The following ADGRB3 variants were observed in gnomAD, a reference collection of about 807,000 sequenced individuals.
The protein encoded by ADGRB3 is brain-specific angiogenesis inhibitor 3.
Under a neutral mutation model 193.4 loss-of-function variants are expected in ADGRB3, and 37 were observed. The ratio of observed to expected loss-of-function variants is 0.19; its 90% CI spans 0.15 to 0.25. ADGRB3 has a LOEUF of 0.25. Ranked by LOEUF, ADGRB3 falls within the 10% of genes least tolerant of loss-of-function variation. ADGRB3 has a pLI of 1.00. For missense variants in ADGRB3, 1,637 were observed against 1,852.9 expected, an observed-to-expected ratio of 0.88 and a Z score of 2.14; for synonymous variants, 690 against 644.2, an observed-to-expected ratio of 1.07 and a Z score of -1.08.
intron 3 of ADGRB3, among the ~76,000 whole-genome samples, chr6:68,773,951 G>A (rs1255020543): frequency 6.6e-6 from 1 of 152,078 alleles, no homozygotes; most frequent in African/African-American, 2.4e-5. Flanking sequence ...TGCATAATGG[G>A]CAAGGTGGGG....
At chr6:69,053,759 A>G (rs1479783319) in intron 15 of ADGRB3, among the ~76,000 whole-genome samples, 1 of 152,214 alleles carries the variant, frequency 6.6e-6, no homozygotes, top group Non-Finnish European at 1.5e-5. Flanking sequence ...TTACTTTTAT[A>G]GCATTTTTGG....
chr6:68,815,623 G>A (rs113060648), intron 3 of ADGRB3, among the ~76,000 whole-genome samples: 4 of 146,580 alleles, frequency 2.7e-5, no homozygotes, highest in African/African-American at 7.3e-5. Flanking sequence ...GTGTGTGTGT[G>A]TGTGTGTGTG....
chr6:68,676,175 G>T (rs146595462), intron 3 of ADGRB3, among the ~76,000 whole-genome samples: 82 of 152,008 alleles, frequency 5.4e-4, no homozygotes, highest in African/African-American at 1.8e-3. Context: ...GGCGGATCAC[G>T]AGGTCAGGAG....
At chr6:69,068,310 A>G (rs1267029778) in intron 16 of ADGRB3, among the ~76,000 whole-genome samples, 1 of 152,208 alleles carries the variant, frequency 6.6e-6, no homozygotes, top group East Asian at 1.9e-4. Context: ...TAGTATTAGG[A>G]CATATCATTA....
chr6:68,966,260 A>G (rs1768378313), intron 8 of ADGRB3, among the ~76,000 whole-genome samples: 1 of 152,026 alleles, frequency 6.6e-6, no homozygotes, highest in African/African-American at 2.4e-5. Flanking sequence ...CCCTAATTAC[A>G]TCATTTAGAT....
At chr6:68,708,222 T>G (rs567144380) in intron 3 of ADGRB3, among the ~76,000 whole-genome samples, 1 of 152,112 alleles carries the variant, frequency 6.6e-6, no homozygotes, top group African/African-American at 2.4e-5. Flanking sequence ...AATAATAAAA[T>G]TATATTGTAG....
intron 3 of ADGRB3, among the ~76,000 whole-genome samples, chr6:68,781,671 A>G (rs1766854904): frequency 6.6e-6 from 1 of 152,088 alleles, no homozygotes; most frequent in Admixed American, 6.6e-5. Flanking sequence ...ATAGCTCAAA[A>G]AAACAGGCAG....
chr6:69,251,865 A>G (rs1582579011), intron 20 of ADGRB3, among the ~76,000 whole-genome samples: 1 of 152,290 alleles, frequency 6.6e-6, no homozygotes, highest in East Asian at 1.9e-4. Context: ...TGTACATTAG[A>G]TCTCAAGAAC....
chr6:69,018,911 C>T (rs549313642), intron 13 of ADGRB3, among the ~76,000 whole-genome samples: 4 of 151,936 alleles, frequency 2.6e-5, no homozygotes, highest in African/African-American at 7.2e-5. Context: ...TTGAGGATGC[C>T]GAGTTACTTT....
At chr6:68,727,727 G>T (rs1488907401) in intron 3 of ADGRB3, among the ~76,000 whole-genome samples, 1 of 151,360 alleles carries the variant, frequency 6.6e-6, no homozygotes, top group East Asian at 2.0e-4. Flanking sequence ...GAAATTTGGG[G>T]CTTTATATTC....
At chr6:68,856,221 GA>G (rs1456986500) in intron 3 of ADGRB3, among the ~76,000 whole-genome samples, 1 of 152,156 alleles carries the variant, frequency 6.6e-6, no homozygotes, top group Non-Finnish European at 1.5e-5. Flanking sequence ...TCAGCAGTGT[GA>G]AAACGGACTA....
chr6:69,004,882 C>A (rs1468164973), intron 11 of ADGRB3, among the ~76,000 whole-genome samples: 1 of 152,082 alleles, frequency 6.6e-6, no homozygotes, highest in African/African-American at 2.4e-5. Context: ...TTGAAGGGGT[C>A]TGTGTCAGTC....
intron 29 of ADGRB3, among the ~76,000 whole-genome samples, chr6:69,371,520 T>G (rs571866717): frequency 8.9e-4 from 135 of 152,242 alleles, no homozygotes; most frequent in African/African-American, 3.2e-3. Context: ...TTTAATTGTT[T>G]GTTAATTCTC....
intron 3 of ADGRB3, among the ~76,000 whole-genome samples, chr6:68,808,295 T>C (rs1377085004): frequency 6.6e-6 from 1 of 152,166 alleles, no homozygotes; most frequent in Non-Finnish European, 1.5e-5. Context: ...TCCACCACCT[T>C]ATCAGCTGAA....
intron 20 of ADGRB3, among the ~76,000 whole-genome samples, chr6:69,267,834 C>G (rs888417368): frequency 6.6e-6 from 1 of 152,040 alleles, no homozygotes; most frequent in African/African-American, 2.4e-5. Context: ...AGTTTTTTCC[C>G]GACATCTTGG....
intron 3 of ADGRB3, among the ~76,000 whole-genome samples, chr6:68,919,075 A>T (rs891208934): frequency 6.6e-6 from 1 of 151,968 alleles, no homozygotes; most frequent in Non-Finnish European, 1.5e-5. Flanking sequence ...TCTATTGTCC[A>T]CAGTGAGCCT....
At chr6:69,134,031 T>G (rs567750835) in intron 17 of ADGRB3, among the ~76,000 whole-genome samples, 2 of 152,268 alleles carry the variant, frequency 1.3e-5, no homozygotes, top group Admixed American at 1.3e-4. Context: ...GCTTTTTATG[T>G]CCGAGTAGTA....
rs567026453 is a variant in ADGRB3 at position 68,942,990 on chromosome 6, T to C, written c.1031-840T>C. ...GGTTATTCTGAAAGAACACAAATTA[T>C]GTTATTTAAGATCAATTGTGAATTC... is the stretch of plus-strand genomic sequence containing the variant. On this transcript the variant is annotated intron_variant, in intron 5 of 31. Coordinates refer to ENST00000370598, the MANE Select transcript of ADGRB3 (RefSeq NM_001704.3). Among the ~76,000 whole-genome samples, 6 of 152,322 alleles carry C rather than the reference T, an allele frequency of 3.9e-5. No individual in the cohort carries two copies. The South Asian group carries it at 1.2e-3, about 32-fold the overall frequency.
At position 68,956,526 on chromosome 6, in the gene ADGRB3, G is replaced by T. The variant is rs376671500; in HGVS notation, c.1361-119G>T. 2.2e-4 allele frequency: 273 copies of T among 1,248,224 alleles called. No individual in the cohort carries two copies. In the East Asian group the frequency reaches 3.0e-3, roughly 14 times the overall value. 77.3% of individuals were successfully genotyped at this position (1,248,224 alleles called of 1,614,324 possible). On this transcript the variant is annotated intron_variant, in intron 7 of 31. Transcript: ENST00000370598. Reference sequence around the variant, plus strand: ...ACCTGTAAGTTAAATATTTGAATAAGGTTTATTCACAGTAGTAGATTAACA... The same window carrying T: ...ACCTGTAAGTTAAATATTTGAATAATGTTTATTCACAGTAGTAGATTAACA...
Sources: gnomAD v4.1 joint callset for allele counts (sites outside exome capture counted in the v4.1 genomes callset) on GRCh38, gnomAD v4.1.1 for gene constraint, MANE v1.5 for transcripts, NCBI Gene and HGNC (gene_info 2026-07-23, HGNC 2026-07-21) for gene names.